Variants in ZEB1 observed in about 807,000 individuals in gnomAD.
The protein encoded by ZEB1 is zinc finger E-box binding homeobox 1, also known as zinc finger E-box-binding homeobox 1.
ZEB1 carries 21 observed loss-of-function variants against 84.9 expected under a neutral mutation model. That is an observed-to-expected ratio of 0.25 (90% CI 0.18 to 0.36). The LOEUF is 0.36. Ranked by LOEUF, ZEB1 falls within the 10% of genes least tolerant of loss-of-function variation. The pLI, the probability that ZEB1 is intolerant of heterozygous loss-of-function variation, is 1.00. For synonymous variants in ZEB1, 420 were observed against 471.1 expected, an observed-to-expected ratio of 0.89 and a Z score of 1.41; for missense variants, 1,104 against 1,330.2, an observed-to-expected ratio of 0.83 and a Z score of 2.65.
At chr10:31,489,230 C>G (rs2138772240) in intron 2 of ZEB1, among the ~76,000 whole-genome samples, 1 of 151,406 alleles carries the variant, frequency 6.6e-6, no homozygotes, top group African/African-American at 2.4e-5. Context: ...TTCTTGATCT[C>G]TGATAATTTT....
At position 31,391,292 on chromosome 10, in the gene ZEB1, T is replaced by C. The variant is rs138889115; in HGVS notation, c.59-69745T>C. 6.5e-4 allele frequency among the ~76,000 whole-genome samples: 99 copies of C among 151,180 alleles called. 2 individuals carry two copies. In the East Asian group the frequency reaches 0.013, roughly 19 times the overall value. On this transcript the variant is annotated intron_variant, in intron 1 of 8. Transcript: ENST00000424869. ...GTGTGTGTGTGAGATCCAATAATTA[T>C]TTCTAAATAAGAAATTTCAGAATTT...
At chr10:31,415,190 A>G (rs1564781218) in intron 1 of ZEB1, among the ~76,000 whole-genome samples, 1 of 152,156 alleles carries the variant, frequency 6.6e-6, no homozygotes, top group Admixed American at 6.6e-5. Context: ...TGTTTTCAAT[A>G]GAATTAACTG....
Position 31,521,463 on chromosome 10 carries a change from C to T in ZEB1, c.2131C>T (p.Leu711Phe). 3 of 1,614,088 alleles carry T rather than the reference C, an allele frequency of 1.9e-6. No individual in the cohort carries two copies. Among genetic ancestry groups the T allele is most frequent in the Non-Finnish European group, 2.5e-6 (3 of 1,180,010 alleles). ...SSTPSPSPLN[L>F]SSSRNTQGYL... ...TACACCATCCCCATCACCTCTAAACCTTTCCTCATCCAGAAATACACAGGG... is the reference window on the plus strand; with the variant it reads ...TACACCATCCCCATCACCTCTAAACTTTTCCTCATCCAGAAATACACAGGG... Residue 711 changes from leucine to phenylalanine, a missense_variant, in exon 7 of 9, where the codon CTT (leucine) becomes TTT (phenylalanine). Coordinates refer to ENST00000424869, the MANE Select transcript of ZEB1 (RefSeq NM_001174096.2).
intron 1 of ZEB1, among the ~76,000 whole-genome samples, chr10:31,430,628 C>T (rs1422657906): frequency 1.3e-5 from 2 of 151,986 alleles, no homozygotes; most frequent in Non-Finnish European, 2.9e-5. Context: ...TAATTTCTAC[C>T]ACTGCTAATA....
chr10:31,444,812 T>C (rs2059546087), intron 1 of ZEB1, among the ~76,000 whole-genome samples: 1 of 151,106 alleles, frequency 6.6e-6, no homozygotes, highest in Non-Finnish European at 1.5e-5. Context: ...TTTTGGTTAC[T>C]GTAGCCTTGT....
At chr10:31,496,684 C>A (rs755716543) in intron 3 of ZEB1, among the ~76,000 whole-genome samples, 1 of 152,024 alleles carries the variant, frequency 6.6e-6, no homozygotes, top group Non-Finnish European at 1.5e-5. Context: ...TTAGATATTT[C>A]TGTCATATAG....
chr10:31,340,043 T>C (rs1256227828), intron 1 of ZEB1, among the ~76,000 whole-genome samples: 1 of 152,226 alleles, frequency 6.6e-6, no homozygotes, highest in Non-Finnish European at 1.5e-5. Context: ...ATGAAATGTT[T>C]CTCAGAAAGT....
In ZEB1 at chr10:31,529,516, C is replaced by G. The variant is rs1341813524; in HGVS notation, c.*2252C>G. The G allele has an allele frequency of 6.6e-6, 1 of 152,210 alleles. No individual in the cohort carries two copies. Among genetic ancestry groups the G allele is most frequent in the African/African-American group, 2.4e-5 (1 of 41,442 alleles). 9.4% of individuals were successfully genotyped at this position (152,210 alleles called of 1,614,324 possible). Reference sequence around the variant, plus strand: ...CAGCTCCTGCACTTCTGTCATCATACCTCTGATACTATTATTTATATTCCT... The same window carrying G: ...CAGCTCCTGCACTTCTGTCATCATAGCTCTGATACTATTATTTATATTCCT... On this transcript the variant is annotated 3_prime_UTR_variant, in exon 9 of 9. Coordinates refer to ENST00000424869, the MANE Select transcript of ZEB1 (RefSeq NM_001174096.2).
intron 1 of ZEB1, among the ~76,000 whole-genome samples, chr10:31,430,165 G>T (rs893787255): frequency 2.6e-5 from 4 of 152,114 alleles, no homozygotes; most frequent in Non-Finnish European, 5.9e-5. Flanking sequence ...TATTAAACTT[G>T]TAAATGATGT....
At chr10:31,486,209 G>A (rs148701456) in intron 2 of ZEB1, among the ~76,000 whole-genome samples, 1,838 of 151,752 alleles carry the variant, frequency 0.012, 26 homozygotes, top group Non-Finnish European at 0.015. Flanking sequence ...ACAGGTTTTG[G>A]GGGGTGAAGT....
intron 1 of ZEB1, among the ~76,000 whole-genome samples, chr10:31,435,384 T>A (rs1247394031): frequency 6.6e-6 from 1 of 152,378 alleles, no homozygotes; most frequent in South Asian, 2.1e-4. Flanking sequence ...CTCTTAGGGA[T>A]ATGTCAGTTT....
intron 3 of ZEB1, among the ~76,000 whole-genome samples, chr10:31,499,671 G>A (rs1034310111): frequency 7.9e-5 from 12 of 151,944 alleles, no homozygotes; most frequent in African/African-American, 9.6e-5. Context: ...AGGCTGAGGC[G>A]GGAGAATCGC....
chr10:31,455,091 G>A (rs1480867990), intron 1 of ZEB1, among the ~76,000 whole-genome samples: 2 of 152,044 alleles, frequency 1.3e-5, no homozygotes, highest in African/African-American at 2.4e-5. Flanking sequence ...CAGAACAGAG[G>A]CCTCAGAAAT....
At chr10:31,469,181 A>G (rs2062831074) in intron 2 of ZEB1, among the ~76,000 whole-genome samples, 1 of 152,246 alleles carries the variant, frequency 6.6e-6, no homozygotes, top group Non-Finnish European at 1.5e-5. Flanking sequence ...TCAGAGCTTG[A>G]CGACTAGTCT....
intron 1 of ZEB1, among the ~76,000 whole-genome samples, chr10:31,344,593 T>C (rs576573091): frequency 6.6e-6 from 1 of 152,232 alleles, no homozygotes; most frequent in East Asian, 1.9e-4. Flanking sequence ...CCAATAGTCA[T>C]TAATTGTTAA....
At chr10:31,419,214 A>T (rs774629031) in intron 1 of ZEB1, among the ~76,000 whole-genome samples, 11 of 152,128 alleles carry the variant, frequency 7.2e-5, no homozygotes, top group Non-Finnish European at 1.0e-4. Flanking sequence ...ACTTAAGTGG[A>T]GATCTGAACA....
chr10:31,472,891 A>T (rs1372280527), intron 2 of ZEB1, among the ~76,000 whole-genome samples: 72 of 121,266 alleles, frequency 5.9e-4, no homozygotes, highest in African/African-American at 1.4e-3. Flanking sequence ...CTGGGATGCA[A>T]GGCTGGTTCA....
intron 1 of ZEB1, among the ~76,000 whole-genome samples, chr10:31,437,571 C>G (rs900685114): frequency 6.6e-6 from 1 of 152,110 alleles, no homozygotes; most frequent in Non-Finnish European, 1.5e-5. Flanking sequence ...CTTTACAAAA[C>G]TAGGCTCAGG....
intron 2 of ZEB1, among the ~76,000 whole-genome samples, chr10:31,489,437 C>T (rs1488971346): frequency 6.6e-6 from 1 of 150,800 alleles, no homozygotes; most frequent in Admixed American, 6.6e-5. Context: ...ATCATCTCTG[C>T]CCTTAATTGG....
Sources: allele counts gnomAD v4.1 joint callset (sites outside exome capture counted in the v4.1 genomes callset), GRCh38; gene constraint gnomAD v4.1.1; transcripts MANE v1.5; gene names NCBI Gene and HGNC (gene_info 2026-07-23, HGNC 2026-07-21).